ESR1: variants seen among roughly 807,000 people sequenced by gnomAD.
ESR1 encodes estrogen receptor.
ESR1 carries 12 observed loss-of-function variants against 52.7 expected under a neutral mutation model. The observed-to-expected ratio is 0.23, with a 90% CI of 0.15 to 0.37. ESR1 has a LOEUF of 0.37. Ranked by LOEUF, ESR1 falls within the 10% of genes least tolerant of loss-of-function variation. The pLI, the probability that ESR1 is intolerant of heterozygous loss-of-function variation, is 1.00. For missense variants in ESR1, 584 were observed against 779.7 expected (o/e 0.75, Z 2.99); for synonymous variants, 305 against 316.8 (o/e 0.96, Z 0.39).
chr6:151,886,241 C>T (rs999893119), intron 3 of ESR1, among the ~76,000 whole-genome samples: 5 of 151,796 alleles, frequency 3.3e-5, no homozygotes, highest in South Asian at 2.1e-4. Context: ...GAGATTTACA[C>T]GAATTTGTGA....
intron 4 of ESR1, among the ~76,000 whole-genome samples, chr6:151,979,790 C>T (rs949195546): frequency 6.6e-6 from 1 of 152,056 alleles, no homozygotes; most frequent in Non-Finnish European, 1.5e-5. Flanking sequence ...GATAATGGAA[C>T]ATAAATCTTA....
In ESR1 at chr6:151,785,613, C is replaced by T. The variant is rs996347931; in HGVS notation, c.-70-22230C>T. 5.3e-5 allele frequency among the ~76,000 whole-genome samples: 8 copies of T among 152,120 alleles called. No individual in the cohort carries two copies. In the East Asian group the frequency reaches 5.8e-4, roughly 11 times the overall value. ...GGACAAAGTGAAGATAACATACTAC[C>T]GCAGGTAAAGTCTAGGTTTACTTGG... On this transcript the variant is annotated intron_variant, in intron 2 of 2. Transcript: ENST00000404742.
intron 5 of ESR1, among the ~76,000 whole-genome samples, chr6:152,014,493 T>G (rs1475096752): frequency 7.3e-6 from 1 of 136,552 alleles, no homozygotes; most frequent in African/African-American, 3.3e-5. Flanking sequence ...TACTCTAAAC[T>G]GCACACTCAC....
intron 5 of ESR1, among the ~76,000 whole-genome samples, chr6:152,045,500 C>G (rs1361339958): frequency 6.6e-6 from 1 of 152,182 alleles, no homozygotes; most frequent in East Asian, 1.9e-4. Context: ...GGACACGAGG[C>G]TCTGCGGCCA....
chr6:151,987,436 T>A (rs995084548), intron 4 of ESR1, among the ~76,000 whole-genome samples: 1 of 152,022 alleles, frequency 6.6e-6, no homozygotes, highest in Non-Finnish European at 1.5e-5. Flanking sequence ...TTTTTGTATT[T>A]TTAGTAGAGA....
At position 151,946,497 on chromosome 6, in the gene ESR1, G is replaced by A. The variant is rs79657303; in HGVS notation, c.1096+1989G>A. Reference sequence around the variant, plus strand: ...AAGGAAAGGAAAATATTATACACAGGCTAGCAATAGTTAAAATACAATTAT... The same window carrying A: ...AAGGAAAGGAAAATATTATACACAGACTAGCAATAGTTAAAATACAATTAT... On this transcript the variant is annotated intron_variant, in intron 4 of 7. Transcript: ENST00000206249. 1.9e-3 allele frequency among the ~76,000 whole-genome samples: 283 copies of A among 152,210 alleles called. 1 individual carries two copies. Among genetic ancestry groups the A allele is most frequent in the African/African-American group, 6.0e-3 (248 of 41,538 alleles).
intron 1 of ESR1, among the ~76,000 whole-genome samples, chr6:151,678,653 T>G (rs908180384): frequency 1.3e-5 from 2 of 151,164 alleles, no homozygotes; most frequent in African/African-American, 4.9e-5. Context: ...TAGCCTAGGA[T>G]CAGACACCTG....
At chr6:151,974,501 A>C (rs529323134) in intron 4 of ESR1, among the ~76,000 whole-genome samples, 1 of 152,288 alleles carries the variant, frequency 6.6e-6, no homozygotes, top group East Asian at 1.9e-4. Context: ...GAGAGGAAAG[A>C]GCCTAGGACT....
chr6:151,892,429 A>G (rs1267006068), intron 3 of ESR1, among the ~76,000 whole-genome samples: 1 of 152,182 alleles, frequency 6.6e-6, no homozygotes, highest in Non-Finnish European at 1.5e-5. Flanking sequence ...CATTGTGGAA[A>G]GTGAATCTCT....
At chr6:152,125,569 C>T (rs978424852) in exon 7 of ESR1, 46 of 515,944 alleles carry the variant, frequency 8.9e-5, no homozygotes, top group Non-Finnish European at 9.6e-6. Context: ...TTCTTCAAAA[C>T]ATCCTTCCCC....
At chr6:151,791,410 T>C (rs1188840361) in intron 2 of ESR1, among the ~76,000 whole-genome samples, 1 of 152,210 alleles carries the variant, frequency 6.6e-6, no homozygotes, top group Non-Finnish European at 1.5e-5. Flanking sequence ...GCCTTTGCTC[T>C]TCCTTTGTCT....
intron 1 of ESR1, among the ~76,000 whole-genome samples, chr6:151,820,956 C>A (rs550625222): frequency 6.6e-6 from 1 of 152,080 alleles, no homozygotes; most frequent in African/African-American, 2.4e-5. Flanking sequence ...TTGGTGCAAT[C>A]GTCTCTTTGC....
At chr6:151,720,419 A>G (rs1220062151) in intron 2 of ESR1, among the ~76,000 whole-genome samples, 2 of 152,206 alleles carry the variant, frequency 1.3e-5, no homozygotes, top group Non-Finnish European at 2.9e-5. Flanking sequence ...CTTTAAACAG[A>G]TATATAGCAA....
At chr6:151,923,389 T>C (rs1003030537) in intron 3 of ESR1, among the ~76,000 whole-genome samples, 3 of 152,228 alleles carry the variant, frequency 2.0e-5, no homozygotes, top group African/African-American at 7.2e-5. Flanking sequence ...ATCACCATTA[T>C]AGTAATATAG....
At chr6:151,825,924 A>AAC (rs1781406811) in intron 1 of ESR1, among the ~76,000 whole-genome samples, 1 of 151,432 alleles carries the variant, frequency 6.6e-6, no homozygotes, top group South Asian at 2.1e-4. Context: ...AAAAAAAAAA[A>AAC]AAAAAAAGAA....
At chr6:151,893,200 T>G (rs1435850258) in intron 3 of ESR1, among the ~76,000 whole-genome samples, 1 of 151,872 alleles carries the variant, frequency 6.6e-6, no homozygotes, top group Non-Finnish European at 1.5e-5. Context: ...CAAAAAAAAA[T>G]TAGCCAGGCA....
At chr6:151,792,856 C>CT (rs1160160001) in intron 2 of ESR1, among the ~76,000 whole-genome samples, 7 of 152,140 alleles carry the variant, frequency 4.6e-5, no homozygotes, top group East Asian at 3.8e-4. Context: ...ATTCTATAAG[C>CT]TTTTTTCTGT....
intron 4 of ESR1, among the ~76,000 whole-genome samples, chr6:151,952,814 A>C (rs1407149302): frequency 6.6e-6 from 1 of 152,228 alleles, no homozygotes; most frequent in Non-Finnish European, 1.5e-5. Flanking sequence ...CAAATGAGAA[A>C]TATTTCTACA....
Position 152,069,018 on chromosome 6 carries a change from T to G in ESR1, c.1369+7894T>G, listed in dbSNP as rs1055253582. Among the ~76,000 whole-genome samples, 37 of 137,616 alleles carry G rather than the reference T, an allele frequency of 2.7e-4. 6 individuals are homozygous for G. The highest frequency in any genetic ancestry group is 4.0e-4 in the Non-Finnish European group (27 of 66,784). The allele number at this position is 137,616 out of a possible 152,430, so 90.3% of individuals were successfully genotyped here. ...AGCAAAGGAGTCCTTAGCTGAGAACTGATCCTTTGCTGAGTGACGAGGACA... is the reference window on the plus strand; with the variant it reads ...AGCAAAGGAGTCCTTAGCTGAGAACGGATCCTTTGCTGAGTGACGAGGACA... On this transcript the variant is annotated intron_variant, in intron 6 of 7. Transcript: ENST00000206249.
Sources: allele counts gnomAD v4.1 joint callset (sites outside exome capture counted in the v4.1 genomes callset), GRCh38; gene constraint gnomAD v4.1.1; transcripts MANE v1.5; gene names NCBI Gene and HGNC (gene_info 2026-07-23, HGNC 2026-07-21).